Variants in SCMH1 observed in about 807,000 individuals in gnomAD.
SCMH1 encodes the protein Scm polycomb group protein homolog 1.
A neutral mutation model predicts 70.8 loss-of-function variants in SCMH1; 37 were observed. The observed-to-expected ratio is 0.52, with a 90% CI of 0.40 to 0.69. The LOEUF (loss-of-function observed/expected upper bound fraction) is 0.69, where lower values mean the gene tolerates loss of function less well. Ranked by LOEUF, SCMH1 falls within the 30% of genes least tolerant of loss-of-function variation. The pLI is 0.00. For missense variants in SCMH1, 607 were observed against 827.3 expected, an observed-to-expected ratio of 0.73 and a Z score of 3.27; for synonymous variants, 292 against 307.4, an observed-to-expected ratio of 0.95 and a Z score of 0.52.
chr1:41,036,631 C>T (rs573392495), intron 13 of SCMH1, among the ~76,000 whole-genome samples: 1 of 152,302 alleles, frequency 6.6e-6, no homozygotes, highest in South Asian at 2.1e-4. Context: ...AAAACAAAAA[C>T]CTGTCTTGCC....
At chr1:41,163,226 C>T (rs1334215112) in intron 2 of SCMH1, among the ~76,000 whole-genome samples, 1 of 40 alleles carries the variant, frequency 0.025, no homozygotes, top group Non-Finnish European at 0.045. Flanking sequence ...AGCTGGCATC[C>T]ATGCTGCACC....
At chr1:41,141,410 T>C (rs2148208428) in intron 6 of SCMH1, among the ~76,000 whole-genome samples, 1 of 152,356 alleles carries the variant, frequency 6.6e-6, no homozygotes, top group East Asian at 1.9e-4. Flanking sequence ...TCAAGAAAAA[T>C]GTCAACCCTG....
chr1:41,236,025 C>T (rs1662305297), intron 1 of SCMH1, among the ~76,000 whole-genome samples: 1 of 152,130 alleles, frequency 6.6e-6, no homozygotes. Flanking sequence ...AAATTTTTTG[C>T]TGTAGCAGTG....
intron 13 of SCMH1, among the ~76,000 whole-genome samples, chr1:41,036,257 A>G (rs940893716): frequency 2.0e-5 from 3 of 152,198 alleles, no homozygotes; most frequent in Non-Finnish European, 2.9e-5. Context: ...TTGGATCTGC[A>G]TAGCCACTGC....
intron 1 of SCMH1, among the ~76,000 whole-genome samples, chr1:41,208,447 AT>A (rs558989939): frequency 0.13 from 18,578 of 144,856 alleles, 1,507 homozygotes; most frequent in Non-Finnish European, 0.19. Flanking sequence ...AAAAAAAAAA[AT>A]AAAAAATAAA....
intron 13 of SCMH1, among the ~76,000 whole-genome samples, chr1:41,037,020 A>G (rs1418232950): frequency 6.6e-6 from 1 of 152,038 alleles, no homozygotes; most frequent in African/African-American, 2.4e-5. Context: ...TGTCTCTCTC[A>G]CCATAATACC....
intron 7 of SCMH1, among the ~76,000 whole-genome samples, chr1:41,115,880 G>C (rs556377132): frequency 6.6e-6 from 1 of 152,110 alleles, no homozygotes; most frequent in African/African-American, 2.4e-5. Flanking sequence ...ATTATGTTTA[G>C]TGTCTCTTAT....
chr1:41,031,090 C>T (rs181252617), intron 13 of SCMH1, among the ~76,000 whole-genome samples: 1 of 152,260 alleles, frequency 6.6e-6, no homozygotes, highest in East Asian at 1.9e-4. Context: ...AGTTTGAGAC[C>T]AGCCTGGGCA....
chr1:41,182,892 C>T (rs1469407344), intron 2 of SCMH1, among the ~76,000 whole-genome samples: 1 of 151,948 alleles, frequency 6.6e-6, no homozygotes, highest in Non-Finnish European at 1.5e-5. Context: ...GGTAACTGTC[C>T]CTGAATCAGG....
Position 41,113,236 on chromosome 1 carries a change from CT to C in SCMH1, c.745+46del. The C allele has an allele frequency of 1.3e-6, 2 of 1,591,594 alleles. No homozygotes were observed. The highest frequency in any genetic ancestry group is 8.5e-7 in the Non-Finnish European group (1 of 1,170,280). On this transcript the variant is annotated intron_variant, in intron 8 of 14. Transcript: ENST00000337495. The surrounding 1 kb of genome is among the most constrained non-coding windows in gnomAD (Gnocchi z 4.3). ...ATCATGACAGCCCTGGGTAGTCTCC[CT>C]TATCATCTGGGTCCTGATTTCAAGA...
intron 6 of SCMH1, among the ~76,000 whole-genome samples, chr1:41,124,422 T>C (rs918058964): frequency 6.6e-6 from 1 of 152,172 alleles, no homozygotes; most frequent in African/African-American, 2.4e-5. Context: ...TTGGTTGTCA[T>C]GTTTCTTCAG....
intron 9 of SCMH1, among the ~76,000 whole-genome samples, chr1:41,074,404 A>G (rs1033920187): frequency 3.3e-5 from 5 of 152,170 alleles, no homozygotes; most frequent in African/African-American, 1.2e-4. Flanking sequence ...AACACTATTT[A>G]TCTCTTAGGG....
chr1:41,239,005 G>A (rs1662951475), intron 1 of SCMH1, among the ~76,000 whole-genome samples: 1 of 152,034 alleles, frequency 6.6e-6, no homozygotes, highest in Non-Finnish European at 1.5e-5. Context: ...AATCATTAAA[G>A]CCTTATACAT....
At chr1:41,138,679 T>C (rs867525739) in intron 6 of SCMH1, among the ~76,000 whole-genome samples, 5 of 152,200 alleles carry the variant, frequency 3.3e-5, no homozygotes, top group Non-Finnish European at 5.9e-5. Context: ...CTATTGTGCA[T>C]GTCTAGCTTG....
Position 41,148,852 on chromosome 1 carries a change from A to T in SCMH1, c.177+2762T>A, listed in dbSNP as rs555270848. Among the ~76,000 whole-genome samples the T allele has an allele frequency of 2.0e-5, 3 of 152,192 alleles. No homozygotes were observed. In the South Asian group the frequency reaches 6.2e-4, roughly 32 times the overall value. On this transcript the variant is annotated intron_variant, in intron 5 of 14. Coordinates refer to ENST00000337495, the Ensembl canonical transcript of SCMH1. ...GTCGCCCAGGCTGCAGTGCAGTGGC[A>T]TGATCTCAGCTCACTGCAAGCTCCG...
At chr1:41,039,255 A>ACCATGGG (rs1645752264) in intron 12 of SCMH1, among the ~76,000 whole-genome samples, 1 of 151,850 alleles carries the variant, frequency 6.6e-6, no homozygotes, top group Admixed American at 6.6e-5. Context: ...GCTGATGCAA[A>ACCATGGG]CCATTGAGTG....
At chr1:41,202,437 T>C (rs1654580863) in intron 1 of SCMH1, among the ~76,000 whole-genome samples, 2 of 152,168 alleles carry the variant, frequency 1.3e-5, no homozygotes, top group African/African-American at 4.8e-5. Context: ...TTTCATAAAA[T>C]CTACTTTAAT....
intron 6 of SCMH1, among the ~76,000 whole-genome samples, chr1:41,119,885 T>C (rs1245443225): frequency 6.6e-6 from 1 of 152,090 alleles, no homozygotes; most frequent in Non-Finnish European, 1.5e-5. Context: ...TTGAGCTGGG[T>C]TTTTAACTGC....
At chr1:41,229,209 A>AC (rs1239142044) in intron 1 of SCMH1, among the ~76,000 whole-genome samples, 5 of 152,134 alleles carry the variant, frequency 3.3e-5, no homozygotes, top group Non-Finnish European at 1.5e-5. Context: ...TACCAAAAAA[A>AC]AAAAAGATTC....
Sources: gnomAD v4.1 joint callset for allele counts (sites outside exome capture counted in the v4.1 genomes callset) on GRCh38, gnomAD v4.1.1 for gene constraint, Gnocchi (gnomAD v3.1) non-coding constraint, MANE v1.5 for transcripts, NCBI Gene and HGNC (gene_info 2026-07-23, HGNC 2026-07-21) for gene names.